The following GUCY1A2 variants were observed in gnomAD, a reference collection of about 807,000 sequenced individuals.
GUCY1A2 encodes the protein guanylate cyclase soluble subunit alpha-2.
A neutral mutation model predicts 63.5 loss-of-function variants in GUCY1A2; 27 were observed. That is an observed-to-expected ratio of 0.43 (90% confidence interval 0.31 to 0.59). The LOEUF (loss-of-function observed/expected upper bound fraction) is 0.59, where lower values mean the gene tolerates loss of function less well. Among genes scored for constraint, GUCY1A2 ranks in the 20% least tolerant of loss-of-function variants. GUCY1A2 has a pLI of 0.11. For synonymous variants in GUCY1A2, 364 were observed against 343.5 expected, an observed-to-expected ratio of 1.06 and a Z score of -0.66; for missense variants, 768 against 913.3, an observed-to-expected ratio of 0.84 and a Z score of 2.05.
rs777909425 is a variant in GUCY1A2, at chr11:107,017,877, G to T, written c.179C>A (p.Ala60Asp). Residue 60 changes from alanine to aspartate, a missense_variant, in exon 1 of 8, where the codon GCC (alanine) becomes GAC (aspartate). Physicochemically the swap from Ala to Asp is moderately radical, Grantham distance 126. Around this residue, in one of 3 missense-constraint regions of GUCY1A2, gnomAD observed 496 missense variants for 486.9 expected, o/e 1.02. Transcript: ENST00000526355. Reference sequence around the variant, plus strand: ...GGCGGCAGAAGCAGCCGGGGTCGGGGCCGGGGCGGCGGCAGCGGCAGCTGC... The same window carrying T: ...GGCGGCAGAAGCAGCCGGGGTCGGGTCCGGGGCGGCGGCAGCGGCAGCTGC... ...PAAAAAAAAP[A>D]PTPAASAAAA... 2.4e-6 allele frequency: 3 copies of T among 1,250,828 alleles called. No homozygotes were observed. The highest frequency in any genetic ancestry group is 3.0e-6 in the Non-Finnish European group (3 of 995,844). The allele number at this position is 1,250,828 out of a possible 1,614,324, so 77.5% of individuals were successfully genotyped here.
At chr11:106,885,403 C>T (rs9783328) in intron 4 of GUCY1A2, among the ~76,000 whole-genome samples, 104,675 of 152,020 alleles carry the variant, frequency 0.69, 36,622 homozygotes, top group Non-Finnish European at 0.76. Flanking sequence ...CAGCATGGGA[C>T]GCTCTGACCA....
intron 3 of GUCY1A2, among the ~76,000 whole-genome samples, chr11:106,954,848 C>T (rs1860960817): frequency 6.6e-6 from 1 of 151,828 alleles, no homozygotes; most frequent in Non-Finnish European, 1.5e-5. Context: ...TTTTTCTTTC[C>T]ATTTGCTTGG....
At chr11:106,833,681 TA>T (rs1311511561) in intron 4 of GUCY1A2, among the ~76,000 whole-genome samples, 1 of 152,086 alleles carries the variant, frequency 6.6e-6, no homozygotes, top group Non-Finnish European at 1.5e-5. Flanking sequence ...ACTCTATAGA[TA>T]TTAATGGAAT....
chr11:106,790,808 T>A (rs1257814068), intron 5 of GUCY1A2, among the ~76,000 whole-genome samples: 2 of 151,986 alleles, frequency 1.3e-5, no homozygotes, highest in African/African-American at 2.4e-5. Flanking sequence ...GGGGGCCTCA[T>A]GACTCTGACT....
At chr11:106,885,323 A>C (rs1859883561) in intron 4 of GUCY1A2, among the ~76,000 whole-genome samples, 1 of 152,152 alleles carries the variant, frequency 6.6e-6, no homozygotes, top group South Asian at 2.1e-4. Context: ...TTGATGAGTA[A>C]ATTTATCCAT....
In GUCY1A2 at chr11:106,725,387, T is replaced by C. The variant is rs1319718474; in HGVS notation, c.1837-16721A>G. Among the ~76,000 whole-genome samples, 2 of 143,640 alleles carry C rather than the reference T, an allele frequency of 1.4e-5. 1 individual carries two copies. The highest frequency in any genetic ancestry group is 5.2e-5 in the African/African-American group (2 of 38,662). 94.2% of individuals were successfully genotyped at this position (143,640 alleles called of 152,430 possible). ...CGGGGTTTCACCGTTTTAGCCGGGA[T>C]GGTCTCGATCTCCTGACCTCGTGAT... On this transcript the variant is annotated intron_variant, in intron 6 of 7. Transcript: ENST00000526355.
intron 4 of GUCY1A2, chr11:106,827,089 T>C (rs1858981008): frequency 2.7e-6 from 4 of 1,497,724 alleles, no homozygotes; most frequent in Admixed American, 3.3e-5. Flanking sequence ...AAACTCATCC[T>C]GAAGGTAGAT....
rs773251118 is a variant in GUCY1A2 at position 106,725,152 on chromosome 11, C to CTTTTTT, written c.1837-16492_1837-16487dup. Among the ~76,000 whole-genome samples, 64 of 22,988 alleles carry CTTTTTT rather than the reference C, an allele frequency of 2.8e-3. 30 individuals carry two copies. Among genetic ancestry groups the CTTTTTT allele is most frequent in the East Asian group, 0.016 (11 of 686 alleles). The allele number at this position is 22,988 out of a possible 152,430, so 15.1% of individuals were successfully genotyped here. On this transcript the variant is annotated intron_variant, in intron 6 of 7. Transcript: ENST00000526355. ...ATGTATCTTCTTATTGACATAAATT[C>CTTTTTT]TTTTTTTTTTTTTTTTTTTTTTTTT...
intron 4 of GUCY1A2, among the ~76,000 whole-genome samples, chr11:106,884,744 T>C (rs1027322988): frequency 6.6e-6 from 1 of 152,148 alleles, no homozygotes; most frequent in South Asian, 2.1e-4. Context: ...CAAGAAGCTA[T>C]ACTTCTAGTT....
intron 5 of GUCY1A2, among the ~76,000 whole-genome samples, chr11:106,779,332 G>A (rs1228147658): frequency 6.6e-6 from 1 of 152,104 alleles, no homozygotes; most frequent in Non-Finnish European, 1.5e-5. Flanking sequence ...TTCTCACTGA[G>A]GAAGACACCC....
rs1206977864 is a variant in GUCY1A2 at position 106,939,580 on chromosome 11, G to A, written c.1086C>T (p.Asp362=). The part of the protein sequence containing the change: ...CDTHKVLKFE[D]CFEIVSPKVN... ...CCTTTGGAGATACAATCTCGAAGCA[G>A]TCCTCAAACTTGAGCACTTTGTGAG... Residue 362 remains aspartate, a synonymous_variant, in exon 4 of 8, where the codon GAC becomes GAT. Coordinates refer to ENST00000526355, the MANE Select transcript of GUCY1A2 (RefSeq NM_000855.3). The A allele has an allele frequency of 6.2e-7, 1 of 1,613,532 alleles. No individual in the cohort carries two copies. Among genetic ancestry groups the A allele is most frequent in the East Asian group, 2.2e-5 (1 of 44,866 alleles).
rs565494634 is a variant in GUCY1A2, at chr11:107,016,438, C to A, written c.303+1315G>T. On this transcript the variant is annotated intron_variant, in intron 1 of 7. Transcript: ENST00000526355. Reference sequence around the variant, plus strand: ...AAGATTGGATCAGAGGTCTGGCATTCCTGCAAGAGGTAAAAGCCAAGGGTA... The same window carrying A: ...AAGATTGGATCAGAGGTCTGGCATTACTGCAAGAGGTAAAAGCCAAGGGTA... 1.1e-4 allele frequency among the ~76,000 whole-genome samples: 17 copies of A among 152,308 alleles called. No homozygotes were observed. In the East Asian group the frequency reaches 2.9e-3, roughly 26 times the overall value.
Position 106,675,636 on chromosome 11 carries a change from T to C in GUCY1A2, c.*11913A>G, listed in dbSNP as rs1013081117. ...TATTTTTACAATCATTATTAAAATA[T>C]TTCCCTAAAGAAATACAAATGGTAA... is the stretch of plus-strand genomic sequence containing the variant. On this transcript the variant is annotated 3_prime_UTR_variant, in exon 8 of 8. Coordinates refer to ENST00000526355, the MANE Select transcript of GUCY1A2 (RefSeq NM_000855.3). 3 of 187,330 alleles carry C rather than the reference T, an allele frequency of 1.6e-5. No homozygotes were observed. Among genetic ancestry groups the C allele is most frequent in the African/African-American group, 7.0e-5 (3 of 42,768 alleles). The allele number at this position is 187,330 out of a possible 1,614,324, so 11.6% of individuals were successfully genotyped here.
chr11:106,890,244 T>C (rs1414003029), intron 4 of GUCY1A2, among the ~76,000 whole-genome samples: 1 of 152,220 alleles, frequency 6.6e-6, no homozygotes, highest in Non-Finnish European at 1.5e-5. Context: ...AACTCTTCAG[T>C]AAACGTTTCT....
rs1862360329 is a variant in GUCY1A2, at chr11:106,677,151, T to G, written c.*10398A>C. On this transcript the variant is annotated 3_prime_UTR_variant, in exon 8 of 8. Coordinates refer to ENST00000526355, the MANE Select transcript of GUCY1A2 (RefSeq NM_000855.3). ...CTATTGTCATTTATCTTATAAGAGC[T>G]AGAAAGAAATAAAGCAAAGAGGGAG... 4.6e-6 allele frequency: 1 copy of G among 218,194 alleles called. No homozygotes were observed. Among genetic ancestry groups the G allele is most frequent in the Non-Finnish European group, 9.2e-6 (1 of 108,490 alleles). The allele number at this position is 218,194 out of a possible 1,614,324, so 13.5% of individuals were successfully genotyped here.
chr11:106,752,045 T>C (rs1169479576), intron 6 of GUCY1A2, among the ~76,000 whole-genome samples: 2 of 152,216 alleles, frequency 1.3e-5, no homozygotes, highest in Non-Finnish European at 2.9e-5. Flanking sequence ...ACAATTTATT[T>C]GCAAGTTACA....
intron 4 of GUCY1A2, among the ~76,000 whole-genome samples, chr11:106,918,931 C>T (rs1195935196): frequency 6.6e-6 from 1 of 152,078 alleles, no homozygotes; most frequent in East Asian, 1.9e-4. Context: ...GATATTTAAC[C>T]TAAATTCGAT....
chr11:106,704,344 T>C (rs1248730882), intron 7 of GUCY1A2, among the ~76,000 whole-genome samples: 1 of 152,198 alleles, frequency 6.6e-6, no homozygotes, highest in African/African-American at 2.4e-5. Context: ...CATAAACATG[T>C]ACCCATTTTA....
chr11:106,836,725 G>A (rs759940021), intron 4 of GUCY1A2, among the ~76,000 whole-genome samples: 6 of 151,906 alleles, frequency 3.9e-5, no homozygotes, highest in Non-Finnish European at 8.8e-5. Flanking sequence ...AGCATCACAT[G>A]CCATTTTAAG....
Sources: gnomAD v4.1 joint callset for allele counts (sites outside exome capture counted in the v4.1 genomes callset) on GRCh38, gnomAD v4.1.1 for gene constraint, gnomAD v4.1.1 regional missense constraint, MANE v1.5 for transcripts, NCBI Gene and HGNC (gene_info 2026-07-23, HGNC 2026-07-21) for gene names.